Variants in HELZ observed in about 807,000 individuals in gnomAD.
The protein encoded by HELZ is ATP-dependent RNA helicase with zinc finger domain.
HELZ carries 23 observed loss-of-function variants against 218.2 expected under a neutral mutation model. That is an observed-to-expected ratio of 0.11 (90% CI 0.08 to 0.15). The LOEUF (loss-of-function observed/expected upper bound fraction) is 0.15, where lower values mean the gene tolerates loss of function less well. Ranked by LOEUF, HELZ falls within the 10% of genes least tolerant of loss-of-function variation. The pLI is 1.00. For missense variants in HELZ, 1,813 were observed against 2,353.7 expected, an observed-to-expected ratio of 0.77 and a Z score of 4.75; for synonymous variants, 814 against 829.4, an observed-to-expected ratio of 0.98 and a Z score of 0.32.
intron 13 of HELZ, among the ~76,000 whole-genome samples, chr17:67,173,686 A>C (rs2039374125): frequency 6.6e-6 from 1 of 152,242 alleles, no homozygotes; most frequent in Admixed American, 6.5e-5. Flanking sequence ...CACCAATAGA[A>C]GCAGCACCCA....
chr17:67,187,029 T>C (rs1013113520), intron 12 of HELZ, among the ~76,000 whole-genome samples: 5 of 152,154 alleles, frequency 3.3e-5, no homozygotes, highest in African/African-American at 4.8e-5. Context: ...TGCTTTCTCA[T>C]TACGACGCAG....
chr17:67,228,228 A>G (rs2040943689), intron 3 of HELZ, among the ~76,000 whole-genome samples: 1 of 152,266 alleles, frequency 6.6e-6, no homozygotes, highest in South Asian at 2.1e-4. Context: ...TATATAAACA[A>G]TAAAACTTAA....
chr17:67,178,611 A>G (rs754392730), intron 13 of HELZ, 48 bp downstream of exon 13: 5 of 1,489,974 alleles, frequency 3.4e-6, no homozygotes, highest in Admixed American at 2.0e-5. Flanking sequence ...TAGAAATACC[A>G]TCCAAAGGGG....
chr17:67,179,744 A>G (rs1567868326), intron 12 of HELZ: 1 of 152,164 alleles, frequency 6.6e-6, no homozygotes, highest in Non-Finnish European at 1.5e-5. Context: ...AAACTTAACC[A>G]AAAGAAAAAA....
chr17:67,143,388 G>A (rs1230935371), intron 21 of HELZ, among the ~76,000 whole-genome samples: 1 of 152,016 alleles, frequency 6.6e-6, no homozygotes, highest in Non-Finnish European at 1.5e-5. Context: ...TGAGAGGATC[G>A]CTTGAGCCCA....
intron 5 of HELZ, among the ~76,000 whole-genome samples, chr17:67,210,353 AG>A (rs765212419): frequency 6.6e-6 from 1 of 152,216 alleles, no homozygotes; most frequent in Non-Finnish European, 1.5e-5. Context: ...CCTCTTTAAC[AG>A]GGGTTGCTGA....
intron 23 of HELZ, among the ~76,000 whole-genome samples, chr17:67,132,218 C>CTGTGTG (rs57691319): frequency 0.063 from 9,337 of 147,904 alleles, 680 homozygotes; most frequent in African/African-American, 0.18. Flanking sequence ...CCTTAGGTCA[C>CTGTGTG]TGTGTGTGTG....
At chr17:67,112,345 A>G (rs936580842) in intron 28 of HELZ, among the ~76,000 whole-genome samples, 2 of 152,250 alleles carry the variant, frequency 1.3e-5, no homozygotes, top group African/African-American at 4.8e-5. Context: ...TCTTGGCTTC[A>G]GTTGCTCTGA....
rs201185435 is a variant in HELZ at position 67,195,456 on chromosome 17, G to A, written c.444C>T (p.Asn148=). ...CTTCCACGTGATATCCAGAGAGGGCGTTACTAGTTGCTGTCTGCAATTTTC... is the reference window on the plus strand; with the variant it reads ...CTTCCACGTGATATCCAGAGAGGGCATTACTAGTTGCTGTCTGCAATTTTC... ...LLSETETATS[N]ALSGYHVEDL... is the part of the protein sequence containing the mutation. Residue 148 remains asparagine (N), a synonymous_variant, in exon 8 of 33, where the codon AAC becomes AAT. Transcript: ENST00000358691. 353 of 1,602,140 alleles carry A rather than the reference G, an allele frequency of 2.2e-4. No homozygotes were observed. Among genetic ancestry groups the A allele is most frequent in the Non-Finnish European group, 2.8e-4 (325 of 1,169,456 alleles).
chr17:67,126,900 A>C (rs1006554909), intron 24 of HELZ, among the ~76,000 whole-genome samples: 1 of 152,220 alleles, frequency 6.6e-6, no homozygotes, highest in African/African-American at 2.4e-5. Flanking sequence ...ACTAAGCTAG[A>C]GCTAGCTATG....
intron 3 of HELZ, among the ~76,000 whole-genome samples, chr17:67,228,581 G>T: frequency 6.6e-6 from 1 of 151,472 alleles, no homozygotes. Context: ...AGAATTGCTT[G>T]AACCCGGGAG....
At position 67,087,048 on chromosome 17, in the gene HELZ, G is replaced by C; in HGVS notation, c.5275C>G (p.Gln1759Glu). ...ACTGAGCTAGATGAGATTCTTCTTT[G>C]GTACAAGGGCCGACCAGGTCCTCTG... ...EPRGPGRPLY[Q>E]RRISSSSVQP... Residue 1759 changes from glutamine to glutamate, a missense_variant, in exon 32 of 33, where the codon CAA becomes GAA. Transcript: ENST00000358691. 6.2e-7 allele frequency: 1 copy of C among 1,613,882 alleles called. No individual in the cohort carries two copies.
chr17:67,135,926 T>C (rs1387405898), intron 23 of HELZ, 44 bp downstream of exon 23: 2 of 1,449,642 alleles, frequency 1.4e-6, no homozygotes, highest in Non-Finnish European at 1.9e-6. Flanking sequence ...ATACAAATCA[T>C]GTCACATTTC....
intron 4 of HELZ, 59 bp from the exon 5 acceptor site, chr17:67,215,994 T>C: frequency 2.0e-6 from 2 of 985,000 alleles, no homozygotes; most frequent in Non-Finnish European, 3.2e-6. Flanking sequence ...TTAACAGAGA[T>C]GTTGTCAAAG....
At chr17:67,107,979 T>C (rs1422060677) in intron 30 of HELZ, among the ~76,000 whole-genome samples, 1 of 152,198 alleles carries the variant, frequency 6.6e-6, no homozygotes, top group Non-Finnish European at 1.5e-5. Flanking sequence ...ATGGTGGACC[T>C]TATTCAGAAG....
intron 8 of HELZ, among the ~76,000 whole-genome samples, 166 bp downstream of exon 8, chr17:67,195,253 G>A (rs1475311267): frequency 1.3e-5 from 2 of 152,158 alleles, no homozygotes; most frequent in African/African-American, 4.8e-5. Context: ...AGGTGCCAGG[G>A]AGAAAATTGC....
In HELZ at chr17:67,076,938, T is replaced by C. The variant is rs1343929177; in HGVS notation, c.*1314A>G. The C allele has an allele frequency of 1.3e-5, 2 of 152,200 alleles. No individual in the cohort carries two copies. The highest frequency in any genetic ancestry group is 2.4e-5 in the African/African-American group (1 of 41,438). 9.4% of individuals were successfully genotyped at this position (152,200 alleles called of 1,614,324 possible). A position where few individuals can be genotyped will look rare whatever the true frequency, so the allele number is the denominator to read the frequency against. On this transcript the variant is annotated 3_prime_UTR_variant, in exon 33 of 33. Coordinates refer to ENST00000358691, the MANE Select transcript of HELZ (RefSeq NM_014877.4). ...TTACAAGGTCAGGAAAATAAGGACATATATTGCTTTAAATGTGTGACAAGA... is the reference window on the plus strand; with the variant it reads ...TTACAAGGTCAGGAAAATAAGGACACATATTGCTTTAAATGTGTGACAAGA...
intron 3 of HELZ, among the ~76,000 whole-genome samples, chr17:67,232,859 C>T (rs1023800621): frequency 5.9e-5 from 9 of 152,118 alleles, no homozygotes; most frequent in Non-Finnish European, 1.3e-4. Context: ...CTGGGCTTGG[C>T]GCAGTGGCTC....
In HELZ at chr17:67,189,603, C is replaced by A. The variant is rs755989625; in HGVS notation, c.850G>T (p.Ala284Ser). ...TKKSHQTWTF[A>S]LTCKPARMLY... is the part of the protein sequence containing the mutation. ...AAAATTCATACCTTACAAGTGAGAG[C>A]AAAGGTCCATGTCTGGTGGGATTTT... Residue 284 changes from alanine to serine, a missense_variant, in exon 11 of 33, where the codon GCT (alanine) becomes TCT (serine). By Grantham distance (99) the Ala-to-Ser change is moderately conservative. Transcript: ENST00000358691. 1.2e-6 allele frequency: 2 copies of A among 1,610,520 alleles called. No individual in the cohort carries two copies. The highest frequency in any genetic ancestry group is 2.7e-5 in the African/African-American group (2 of 74,810).
Sources: allele counts gnomAD v4.1 joint callset (sites outside exome capture counted in the v4.1 genomes callset), GRCh38; gene constraint gnomAD v4.1.1; transcripts MANE v1.5; gene names NCBI Gene and HGNC (gene_info 2026-07-23, HGNC 2026-07-21).